The following TENM2 variants were observed in gnomAD, a reference collection of about 807,000 sequenced individuals.
The protein encoded by TENM2 is teneurin-2.
A neutral mutation model predicts 245.2 loss-of-function variants in TENM2; 52 were observed. The observed-to-expected ratio is 0.21, with a 90% confidence interval of 0.17 to 0.27. The LOEUF (loss-of-function observed/expected upper bound fraction) is 0.27, where lower values mean the gene tolerates loss of function less well. TENM2 is among the 10% of genes least tolerant of loss of function. The probability of loss-of-function intolerance (pLI) is 1.00; values close to 1 mark genes in which losing one functional copy is unlikely to be tolerated. For missense variants in TENM2, 3,046 were observed against 3,666.8 expected, an observed-to-expected ratio of 0.83 and a Z score of 4.37; for synonymous variants, 1,363 against 1,438.9, an observed-to-expected ratio of 0.95 and a Z score of 1.19.
Position 168,025,581 on chromosome 5 carries a change from A to G in TENM2, c.1187-21846A>G, listed in dbSNP as rs11746157. ...GTTTAAGTATTAGGTTTATGTGGCT[A>G]CATTGGGAAATAGGGTAGGATACAG... On this transcript the variant is annotated intron_variant, in intron 5 of 28. Transcript: ENST00000518659. 8.9e-3 allele frequency among the ~76,000 whole-genome samples: 1,352 copies of G among 152,344 alleles called. 23 individuals carry two copies. Among genetic ancestry groups the G allele is most frequent in the Non-Finnish European group, 0.013 (914 of 68,022 alleles).
chr5:168,159,464 G>GA (rs1757546626), intron 12 of TENM2, among the ~76,000 whole-genome samples: 1 of 152,196 alleles, frequency 6.6e-6, no homozygotes, highest in Admixed American at 6.5e-5. Flanking sequence ...CCTCTCCAGA[G>GA]AAAAGCCTCT....
intron 23 of TENM2, among the ~76,000 whole-genome samples, chr5:168,225,273 GC>G (rs1764055646): frequency 6.6e-6 from 1 of 152,186 alleles, no homozygotes; most frequent in East Asian, 1.9e-4. Flanking sequence ...TTGTCCAGAG[GC>G]CTAGGAGATG....
intron 13 of TENM2, among the ~76,000 whole-genome samples, chr5:168,173,241 C>T (rs998301590): frequency 5.9e-5 from 9 of 152,130 alleles, no homozygotes; most frequent in Admixed American, 1.3e-4. Context: ...CTGCAAAACC[C>T]AAGGAGGGAA....
chr5:168,073,231 T>C (rs1791177193), intron 7 of TENM2, among the ~76,000 whole-genome samples: 1 of 152,198 alleles, frequency 6.6e-6, no homozygotes, highest in Admixed American at 6.5e-5. Flanking sequence ...AAATATCAGC[T>C]ATTGTTATTA....
At chr5:167,125,124 C>A in the TENM2 span, among the ~76,000 whole-genome samples, 1 of 152,076 alleles carries the variant, frequency 6.6e-6, no homozygotes, top group Non-Finnish European at 1.5e-5. Context: ...TTAAACAAGC[C>A]CCTTGAATGA....
chr5:167,048,071 A>G, the TENM2 span, among the ~76,000 whole-genome samples: 1 of 152,210 alleles, frequency 6.6e-6, no homozygotes, highest in Non-Finnish European at 1.5e-5. Context: ...ATAGAATTCA[A>G]TAAGAAATTT....
intron 1 of TENM2, among the ~76,000 whole-genome samples, chr5:167,333,727 A>G (rs1188595496): frequency 6.6e-6 from 1 of 152,204 alleles, no homozygotes; most frequent in Non-Finnish European, 1.5e-5. Flanking sequence ...GGATCAATCA[A>G]CATGACAGGG....
chr5:167,614,113 T>G (rs1777636962), intron 2 of TENM2, among the ~76,000 whole-genome samples: 1 of 152,092 alleles, frequency 6.6e-6, no homozygotes, highest in Non-Finnish European at 1.5e-5. Context: ...ATTACATAAC[T>G]GGACCTAGCT....
At chr5:167,796,882 G>T (rs776393123) in intron 2 of TENM2, among the ~76,000 whole-genome samples, 3 of 151,982 alleles carry the variant, frequency 2.0e-5, no homozygotes, top group Non-Finnish European at 2.9e-5. Flanking sequence ...CTGATGCAGC[G>T]TGAGTCAGGC....
chr5:167,901,976 G>T (rs1450135581), intron 3 of TENM2, among the ~76,000 whole-genome samples: 1 of 152,178 alleles, frequency 6.6e-6, no homozygotes, highest in Non-Finnish European at 1.5e-5. Context: ...GAAAGCAACG[G>T]TGTATGAGCG....
chr5:167,884,269 T>C (rs1774108071), intron 3 of TENM2, among the ~76,000 whole-genome samples: 2 of 152,130 alleles, frequency 1.3e-5, no homozygotes, highest in Non-Finnish European at 2.9e-5. Flanking sequence ...AACATGAAAT[T>C]TACCATTTAT....
intron 2 of TENM2, among the ~76,000 whole-genome samples, chr5:167,483,447 T>C (rs928903335): frequency 1.3e-5 from 2 of 152,080 alleles, no homozygotes. Context: ...TGTGTGCACA[T>C]AAAAGAGCAA....
intron 7 of TENM2, among the ~76,000 whole-genome samples, chr5:168,063,238 A>C (rs2152100562): frequency 6.6e-6 from 1 of 152,324 alleles, no homozygotes; most frequent in African/African-American, 2.4e-5. Context: ...CCCTGTACTA[A>C]GTTCCTTGGG....
the TENM2 span, among the ~76,000 whole-genome samples, chr5:166,983,114 T>C: frequency 6.6e-6 from 1 of 152,042 alleles, no homozygotes; most frequent in Non-Finnish European, 1.5e-5. Flanking sequence ...AACATAATTA[T>C]TTTAGGTGTT....
chr5:167,923,369 C>T (rs1777517891), intron 3 of TENM2, among the ~76,000 whole-genome samples: 1 of 151,784 alleles, frequency 6.6e-6, no homozygotes, highest in South Asian at 2.1e-4. Flanking sequence ...TGTTTTCAGG[C>T]TTTAATTTAT....
intron 2 of TENM2, among the ~76,000 whole-genome samples, chr5:167,840,998 A>T (rs984933469): frequency 6.6e-6 from 1 of 152,078 alleles, no homozygotes; most frequent in South Asian, 2.1e-4. Flanking sequence ...ACCACATGCC[A>T]TCTAGGCAGG....
At chr5:167,139,339 T>G in the TENM2 span, among the ~76,000 whole-genome samples, 13 of 152,224 alleles carry the variant, frequency 8.5e-5, no homozygotes, top group Non-Finnish European at 1.9e-4. Context: ...TTCCATCTCA[T>G]AGTTGTTTTG....
At chr5:168,127,082 T>A in intron 12 of TENM2, 116 bp downstream of exon 14, 1 of 885,740 alleles carries the variant, frequency 1.1e-6, no homozygotes, top group Admixed American at 2.2e-5. Context: ...CCCCTCCAAA[T>A]CTCCCAGGGG....
At chr5:167,860,241 G>T (rs1583210225) in intron 2 of TENM2, among the ~76,000 whole-genome samples, 89 of 133,114 alleles carry the variant, frequency 6.7e-4, no homozygotes, top group East Asian at 1.0e-3. Context: ...GGAGGTGGGG[G>T]GGGGTCAGCC....
Sources: allele counts gnomAD v4.1 joint callset (sites outside exome capture counted in the v4.1 genomes callset), GRCh38; gene constraint gnomAD v4.1.1; transcripts MANE v1.5; gene names NCBI Gene and HGNC (gene_info 2026-07-23, HGNC 2026-07-21).